Variants in MCU observed in about 807,000 individuals in gnomAD.
MCU encodes mitochondrial calcium uniporter, also known as calcium uniporter protein, mitochondrial.
Under a neutral mutation model 45.2 loss-of-function variants are expected in MCU, and 12 were observed. The observed-to-expected ratio is 0.27, with a 90% CI of 0.17 to 0.43. MCU has a LOEUF of 0.43. Among genes scored for constraint, MCU ranks in the 20% least tolerant of loss-of-function variants. MCU has a pLI of 1.00. For synonymous variants in MCU, 160 were observed against 165.1 expected, an observed-to-expected ratio of 0.97 and a Z score of 0.24; for missense variants, 324 against 436.7, an observed-to-expected ratio of 0.74 and a Z score of 2.30.
intron 1 of MCU, among the ~76,000 whole-genome samples, chr10:72,716,663 C>G (rs137927586): frequency 6.6e-6 from 1 of 151,666 alleles, no homozygotes; most frequent in East Asian, 1.9e-4. Flanking sequence ...GTGTGAGGAT[C>G]GCTGGAGGCC....
chr10:72,792,693 C>T (rs1844181132), intron 1 of MCU, among the ~76,000 whole-genome samples: 2 of 143,574 alleles, frequency 1.4e-5, no homozygotes, highest in Admixed American at 1.4e-4. Context: ...ATAACTCTCC[C>T]TCTCCCCTCC....
At chr10:72,838,993 A>AT (rs1363892026) in intron 2 of MCU, among the ~76,000 whole-genome samples, 5,278 of 140,914 alleles carry the variant, frequency 0.037, 282 homozygotes, top group African/African-American at 0.12. Context: ...CAAATCATCT[A>AT]TTTTTTTTTT....
At chr10:72,862,917 AG>A (rs1449963312) in intron 4 of MCU, among the ~76,000 whole-genome samples, 4 of 151,608 alleles carry the variant, frequency 2.6e-5, no homozygotes, top group South Asian at 2.1e-4. Context: ...TTAAAAAAAA[AG>A]AAAAAAAAAA....
intron 1 of MCU, among the ~76,000 whole-genome samples, chr10:72,782,024 C>T (rs2132752861): frequency 6.6e-6 from 1 of 152,276 alleles, no homozygotes; most frequent in South Asian, 2.1e-4. Flanking sequence ...CTGCAGACTC[C>T]TCCCCACAGT....
intron 1 of MCU, among the ~76,000 whole-genome samples, chr10:72,707,509 ATGT>A (rs1315664418): frequency 6.6e-6 from 1 of 152,006 alleles, no homozygotes. Context: ...GCCTTTTGAA[ATGT>A]TATGGGAGCC....
At chr10:72,773,901 A>G (rs1200571397) in intron 1 of MCU, among the ~76,000 whole-genome samples, 1 of 152,232 alleles carries the variant, frequency 6.6e-6, no homozygotes, top group Admixed American at 6.5e-5. Context: ...AAGGTGCAAC[A>G]AAGCGTTTCC....
chr10:72,839,963 CAAAAAAAAAAA>C (rs34053459), intron 2 of MCU, among the ~76,000 whole-genome samples: 1 of 76,312 alleles, frequency 1.3e-5, no homozygotes, highest in African/African-American at 5.4e-5. Flanking sequence ...GACTCCGTCT[CAAAAAAAAAAA>C]AAAAAAAAAA....
intron 5 of MCU, 70 bp downstream of exon 5, chr10:72,868,933 T>C: frequency 2.7e-6 from 4 of 1,490,704 alleles, no homozygotes; most frequent in Non-Finnish European, 3.6e-6. Context: ...TTTCTGTTTT[T>C]TCTTGTAAGT....
intron 1 of MCU, among the ~76,000 whole-genome samples, chr10:72,709,900 G>A (rs947453411): frequency 1.3e-5 from 2 of 152,154 alleles, no homozygotes; most frequent in African/African-American, 2.4e-5. Context: ...ATTGGTGTTC[G>A]ATTCAGAATG....
chr10:72,731,791 T>C (rs1843177776), intron 1 of MCU, among the ~76,000 whole-genome samples: 1 of 152,210 alleles, frequency 6.6e-6, no homozygotes, highest in Non-Finnish European at 1.5e-5. Flanking sequence ...GTTTTGACAT[T>C]TTATTCCTGT....
intron 1 of MCU, among the ~76,000 whole-genome samples, chr10:72,808,254 TG>T (rs1285883124): frequency 2.6e-5 from 4 of 152,234 alleles, no homozygotes; most frequent in Non-Finnish European, 5.9e-5. Context: ...ACCAGCCAAA[TG>T]AGAACAGATT....
intron 1 of MCU, among the ~76,000 whole-genome samples, chr10:72,763,029 C>G (rs892873056): frequency 3.3e-5 from 5 of 151,904 alleles, no homozygotes; most frequent in African/African-American, 1.2e-4. Context: ...ATTTTTTTCT[C>G]CATCTTCAAA....
At chr10:72,881,803 T>C (rs1314496698) in intron 6 of MCU, among the ~76,000 whole-genome samples, 1 of 152,232 alleles carries the variant, frequency 6.6e-6, no homozygotes, top group African/African-American at 2.4e-5. Flanking sequence ...AAATGCTGTG[T>C]ATCTCCAAGA....
intron 1 of MCU, among the ~76,000 whole-genome samples, chr10:72,769,866 C>T (rs369984682): frequency 6.6e-6 from 1 of 152,124 alleles, no homozygotes; most frequent in Admixed American, 6.5e-5. Flanking sequence ...TGGAATCATA[C>T]ATTGTGTGGT....
chr10:72,848,710 A>C (rs576193139), intron 2 of MCU, among the ~76,000 whole-genome samples: 17 of 144,172 alleles, frequency 1.2e-4, no homozygotes, highest in African/African-American at 4.3e-4. Flanking sequence ...AATATTGTGT[A>C]TTGAGATATA....
At chr10:72,759,380 GATAAC>G (rs1843623035) in intron 1 of MCU, among the ~76,000 whole-genome samples, 1 of 152,168 alleles carries the variant, frequency 6.6e-6, no homozygotes, top group South Asian at 2.1e-4. Flanking sequence ...GTAATCTATA[GATAAC>G]ATAACCGATT....
At position 72,885,950 on chromosome 10, in the gene MCU, C is replaced by T. The variant is rs963962251; in HGVS notation, c.*128C>T. On this transcript the variant is annotated 3_prime_UTR_variant, in exon 8 of 8. Coordinates refer to ENST00000373053, the MANE Select transcript of MCU (RefSeq NM_138357.3). ...TTTACCTTTAATTATAAAACAAAAA[C>T]AGAAAGGATCTGAGGGAAGAAGGGA... 1.2e-5 allele frequency: 8 copies of T among 660,392 alleles called. No individual in the cohort carries two copies. Among genetic ancestry groups the T allele is most frequent in the African/African-American group, 5.5e-5 (3 of 54,714 alleles). The allele number at this position is 660,392 out of a possible 1,614,324, so 40.9% of individuals were successfully genotyped here. A position where few individuals can be genotyped will look rare whatever the true frequency, so the allele number is the denominator to read the frequency against.
At chr10:72,741,425 C>T (rs1295145991) in intron 1 of MCU, among the ~76,000 whole-genome samples, 1 of 152,068 alleles carries the variant, frequency 6.6e-6, no homozygotes, top group Non-Finnish European at 1.5e-5. Context: ...TTGACCATAA[C>T]TAAATACAGA....
intron 1 of MCU, among the ~76,000 whole-genome samples, chr10:72,784,056 C>T (rs992463288): frequency 3.3e-5 from 5 of 152,132 alleles, no homozygotes; most frequent in African/African-American, 4.8e-5. Context: ...CAAGTGAAGC[C>T]GGGGGAAAGC....
Sources: gnomAD v4.1 joint callset for allele counts (sites outside exome capture counted in the v4.1 genomes callset) on GRCh38, gnomAD v4.1.1 for gene constraint, MANE v1.5 for transcripts, NCBI Gene and HGNC (gene_info 2026-07-23, HGNC 2026-07-21) for gene names.